The following FAT1 variants were observed in gnomAD, a reference collection of about 807,000 sequenced individuals.
The protein encoded by FAT1 is protocadherin Fat 1.
FAT1 carries 171 observed loss-of-function variants against 329.8 expected under a neutral mutation model. That is an observed-to-expected ratio of 0.52 (90% CI 0.46 to 0.59). The LOEUF (loss-of-function observed/expected upper bound fraction) is 0.59, where lower values mean the gene tolerates loss of function less well. FAT1 is among the 20% of genes least tolerant of loss of function. FAT1 has a pLI of 0.00. For missense variants in FAT1, 5,672 were observed against 5,774.4 expected (o/e 0.98, Z 0.57); for synonymous variants, 2,233 against 2,228.6 (o/e 1.00, Z -0.06).
intron 2 of FAT1, among the ~76,000 whole-genome samples, chr4:186,668,655 T>C (rs1261387536): frequency 6.6e-6 from 1 of 152,244 alleles, no homozygotes; most frequent in Admixed American, 6.5e-5. Context: ...TTAGCAGTTC[T>C]TGTTCCTACA....
rs368005557 is a variant in FAT1 at position 186,628,350 on chromosome 4, A to T, written c.4614T>A (p.Asp1538Glu). 1 of 1,612,718 alleles carries T rather than the reference A, an allele frequency of 6.2e-7. No homozygotes were observed. Among genetic ancestry groups the T allele is most frequent in the African/African-American group, 1.3e-5 (1 of 74,904 alleles). ...HTLTVMVRDQ[D>E]VPVKRNFARI... The stretch of plus-strand genomic sequence containing the variant: ...TTGCAAAGTTGCGTTTTACAGGCAC[A>T]TCTTGATCTCGTACCTAAAAAGAAT... The change falls in exon 9 of 27, where the codon GAT (aspartate) becomes GAA (glutamate). Residue 1538 changes from aspartate to glutamate, a missense_variant. Transcript: ENST00000441802.
chr4:186,643,389 T>C (rs932103594), intron 3 of FAT1, among the ~76,000 whole-genome samples: 4 of 152,172 alleles, frequency 2.6e-5, no homozygotes, highest in Non-Finnish European at 4.4e-5. Context: ...ACAAACTTTC[T>C]TTCTAAATTC....
intron 2 of FAT1, among the ~76,000 whole-genome samples, chr4:186,704,813 G>A (rs1264193193): frequency 6.6e-6 from 1 of 152,016 alleles, no homozygotes; most frequent in Non-Finnish European, 1.5e-5. Context: ...CTAATTATGG[G>A]TATTTTAGAT....
intron 2 of FAT1, among the ~76,000 whole-genome samples, chr4:186,690,888 C>T (rs953734484): frequency 2.6e-5 from 4 of 152,122 alleles, no homozygotes; most frequent in Admixed American, 2.0e-4. Context: ...TTAATACTTA[C>T]GCTAATCACA....
At chr4:186,652,487 A>G (rs1741713345) in intron 3 of FAT1, among the ~76,000 whole-genome samples, 2 of 152,246 alleles carry the variant, frequency 1.3e-5, no homozygotes, top group South Asian at 4.1e-4. Context: ...TGTACTGAAT[A>G]ACATTTGACT....
Position 186,619,562 on chromosome 4 carries a change from T to C in FAT1, c.7024A>G (p.Ile2342Val). ...HFHVDSSTGLISLLRTLDYEQ... is the reference protein window; with the variant it reads ...HFHVDSSTGLVSLLRTLDYEQ... ...TAATCCAGGGTTCTGAGTAGTGAGA[T>C]GAGGCCAGTGCTGCTGTCTACATGA... The change falls in exon 10 of 27, where the codon ATC becomes GTC. Residue 2342 changes from isoleucine to valine, a missense_variant. Physicochemically the swap from Ile to Val is conservative, Grantham distance 29. Transcript: ENST00000441802. 6.2e-7 allele frequency: 1 copy of C among 1,613,952 alleles called. No individual in the cohort carries two copies.
intron 3 of FAT1, among the ~76,000 whole-genome samples, chr4:186,660,431 T>C (rs1742115266): frequency 6.6e-6 from 1 of 152,230 alleles, no homozygotes; most frequent in Non-Finnish European, 1.5e-5. Context: ...CTTTAGGTGA[T>C]CTGTGGAATG....
rs1411687147 is a variant in FAT1, at chr4:186,620,127, T to C, written c.6459A>G (p.Thr2153=). 1 of 1,614,016 alleles carries C rather than the reference T, an allele frequency of 6.2e-7. No individual in the cohort carries two copies. The highest frequency in any genetic ancestry group is 2.2e-5 in the East Asian group (1 of 44,880). ...LDTLNKEYLV[T]VVAKDGGNPA... ...GGTTCCCTCCATCTTTTGCAACCAC[T>C]GTAACAAGATATTCTTTATTTAAGG... The change falls in exon 10 of 27, where the codon ACA becomes ACG. Residue 2153 remains threonine (T), a synonymous_variant. Transcript: ENST00000441802.
chr4:186,629,676 G>A (rs1310474768), intron 7 of FAT1, among the ~76,000 whole-genome samples: 1 of 152,190 alleles, frequency 6.6e-6, no homozygotes, highest in Non-Finnish European at 1.5e-5. Flanking sequence ...TCAACCACAT[G>A]GTGCAGGCCA....
intron 7 of FAT1, among the ~76,000 whole-genome samples, chr4:186,629,595 G>T (rs1414793776): frequency 4.6e-5 from 7 of 152,182 alleles, no homozygotes; most frequent in Non-Finnish European, 1.0e-4. Context: ...ACTGCGCTTC[G>T]TGGGGGCATA....
rs374658810 is a variant in FAT1, at chr4:186,614,198, T to C, written c.9222A>G (p.Pro3074=). The C allele has an allele frequency of 3.8e-6, 6 of 1,598,880 alleles. No individual in the cohort carries two copies. In the African/African-American group the frequency reaches 5.4e-5, roughly 14 times the overall value. ...CCCAAACTCCATCATTACCTGTGTC[T>C]GGATTTAGTTTGAATTTTTCTGCAC... ...GSGAEKFKLN[P]DTGELKTSTP... is the part of the protein sequence containing the mutation. The change falls in exon 12 of 27, where the codon CCA becomes CCG. Residue 3074 remains proline, a synonymous_variant. Transcript: ENST00000441802.
At chr4:186,696,158 T>G (rs530709075) in intron 2 of FAT1, among the ~76,000 whole-genome samples, 2 of 152,236 alleles carry the variant, frequency 1.3e-5, no homozygotes, top group African/African-American at 2.4e-5. Context: ...TTTGTAGATA[T>G]GAAACTTCGT....
intron 1 of FAT1, among the ~76,000 whole-genome samples, chr4:186,715,447 A>T (rs1332032726): frequency 6.6e-6 from 1 of 152,228 alleles, no homozygotes; most frequent in Non-Finnish European, 1.5e-5. Context: ...AGAATAAATT[A>T]TTAAATGAAA....
chr4:186,700,334 C>T (rs546025140), intron 2 of FAT1, among the ~76,000 whole-genome samples: 13 of 152,312 alleles, frequency 8.5e-5, no homozygotes, highest in African/African-American at 2.6e-4. Context: ...ACAAATATGA[C>T]ACCTGTCCAT....
chr4:186,658,981 C>T (rs1212039514), intron 3 of FAT1, among the ~76,000 whole-genome samples: 2 of 152,224 alleles, frequency 1.3e-5, no homozygotes, highest in Admixed American at 6.5e-5. Context: ...AACACGGCCA[C>T]GCACTGCATA....
At chr4:186,698,884 C>T (rs561460929) in intron 2 of FAT1, among the ~76,000 whole-genome samples, 7 of 152,358 alleles carry the variant, frequency 4.6e-5, no homozygotes, top group African/African-American at 1.7e-4. Context: ...TAACGCATCA[C>T]ACCATAAACT....
intron 2 of FAT1, among the ~76,000 whole-genome samples, chr4:186,697,126 T>C (rs1744074605): frequency 6.6e-6 from 1 of 152,108 alleles, no homozygotes; most frequent in Admixed American, 6.5e-5. Context: ...CCTTAATAAG[T>C]AAAGGAATAC....
At position 186,603,635 on chromosome 4, in the gene FAT1, T is replaced by C. The variant is rs2126431031; in HGVS notation, c.10891A>G (p.Ile3631Val). Residue 3631 changes from isoleucine (I) to valine (V), a missense_variant, in exon 19 of 27, where the codon ATC becomes GTC. Ile to Val is a conservative substitution (Grantham distance 29). Transcript: ENST00000441802. Reference sequence around the variant, plus strand: ...AACATCTCCTGTGTGACTTGTCTGATATGCACTGTGATGTCGGCCACCGTC... The same window carrying C: ...AACATCTCCTGTGTGACTTGTCTGACATGCACTGTGATGTCGGCCACCGTC... ...FTTVADITVH[I>V]RQVTQEMLNH... The C allele has an allele frequency of 6.2e-7, 1 of 1,613,996 alleles. No homozygotes were observed. Among genetic ancestry groups the C allele is most frequent in the Non-Finnish European group, 8.5e-7 (1 of 1,179,884 alleles).
rs1336221299 is a variant in FAT1 at position 186,588,866 on chromosome 4, A to G, written c.13493T>C (p.Met4498Thr). Residue 4498 changes from methionine to threonine, a missense_variant, in exon 27 of 27, where the codon ATG becomes ACG. Coordinates refer to ENST00000441802, the MANE Select transcript of FAT1 (RefSeq NM_005245.4). Reference sequence around the variant, plus strand: ...AGTGCCTTTTGTTTGAGGTTCAGACATATCGAGGGGATAAAAATTGGGCAA... The same window carrying G: ...AGTGCCTTTTGTTTGAGGTTCAGACGTATCGAGGGGATAAAAATTGGGCAA... ...QYLPNFYPLD[M>T]SEPQTKGTGE... 3 of 1,614,024 alleles carry G rather than the reference A, an allele frequency of 1.9e-6. No individual in the cohort carries two copies. The highest frequency in any genetic ancestry group is 2.5e-6 in the Non-Finnish European group (3 of 1,179,894).
Sources: gnomAD v4.1 joint callset for allele counts (sites outside exome capture counted in the v4.1 genomes callset) on GRCh38, gnomAD v4.1.1 for gene constraint, MANE v1.5 for transcripts, NCBI Gene and HGNC (gene_info 2026-07-23, HGNC 2026-07-21) for gene names.